MPZL3: variants seen among roughly 807,000 people sequenced by gnomAD.
MPZL3 encodes the protein myelin protein zero-like protein 3.
Under a neutral mutation model 24.8 loss-of-function variants are expected in MPZL3, and 23 were observed. That is an observed-to-expected ratio of 0.93 (90% CI 0.67 to 1.31). MPZL3 has a LOEUF of 1.31. MPZL3 is among the 40% of genes most tolerant of loss of function. The pLI, the probability that MPZL3 is intolerant of heterozygous loss-of-function variation, is 0.00. For missense variants in MPZL3, 277 were observed against 294.9 expected, an observed-to-expected ratio of 0.94 and a Z score of 0.44; for synonymous variants, 99 against 106.5, an observed-to-expected ratio of 0.93 and a Z score of 0.44.
At chr11:118,231,905 T>C (rs1018964773) in intron 5 of MPZL3, among the ~76,000 whole-genome samples, 6 of 152,300 alleles carry the variant, frequency 3.9e-5, no homozygotes, top group African/African-American at 1.2e-4. Context: ...TCTGATTCTG[T>C]CATTGCTCGT....
Position 118,233,491 on chromosome 11 carries a change from G to T in MPZL3, c.650C>A (p.Ala217Glu), listed in dbSNP as rs749946051. Residue 217 changes from alanine (A) to glutamate (E), a missense_variant, in exon 5 of 6, where the codon GCG becomes GAG. Physicochemically the swap from Ala to Glu is moderately radical, Grantham distance 107. Transcript: ENST00000278949. ...TDQEEEEACM[A>E]RLCVRCAECL... ...CTCAGCGCAACGGACACAAAGCCTC[G>T]CCATACACGCCTCTTCCTCCTCCTG... 5 of 1,613,620 alleles carry T rather than the reference G, an allele frequency of 3.1e-6. No homozygotes were observed. The South Asian group carries it at 3.3e-5, about 11-fold the overall frequency.
In MPZL3 at chr11:118,237,636, C is replaced by T. The variant is rs191204306; in HGVS notation, c.241-376G>A. Among the ~76,000 whole-genome samples the T allele has an allele frequency of 2.5e-3, 376 of 152,208 alleles. 2 individuals carry two copies. The highest frequency in any genetic ancestry group is 3.7e-3 in the Admixed American group (57 of 15,278). ...AGGGGCCGGGAATGCTACTAAACATCCTACCATGCACAGGACAGCACCCAC... is the reference window on the plus strand; with the variant it reads ...AGGGGCCGGGAATGCTACTAAACATTCTACCATGCACAGGACAGCACCCAC... On this transcript the variant is annotated intron_variant, in intron 2 of 5. Coordinates refer to ENST00000278949, the MANE Select transcript of MPZL3 (RefSeq NM_198275.3).
chr11:118,252,071 A>G, intron 1 of MPZL3, 151 bp downstream of exon 1: 4 of 735,584 alleles, frequency 5.4e-6, no homozygotes, highest in South Asian at 4.8e-5. Context: ...CGGGGTGGTG[A>G]TGACATCGTC....
Position 118,237,073 on chromosome 11 carries a change from GT to G in MPZL3, c.427del (p.Thr143GlnfsTer3), listed in dbSNP as rs778014538. 1.2e-6 allele frequency: 2 copies of G among 1,613,922 alleles called. No homozygotes were observed. Among genetic ancestry groups the G allele is most frequent in the African/African-American group, 2.7e-5 (2 of 74,912 alleles). On this transcript the variant is annotated frameshift_variant, in exon 3 of 6. Transcript: ENST00000278949. LOFTEE classifies it high-confidence loss of function. Reference protein sequence around the residue: ...PPDVHHNIPMTELTVTERGFG... With the variant: ...PPDVHHNIPMXELTVTERGFG... ...ACCCCTTTCTGTGACTGTTAGCTCT[GT>G]CATGGGAATATTATGATGCACATCT...
chr11:118,247,594 T>A (rs981764060), intron 1 of MPZL3, among the ~76,000 whole-genome samples: 2 of 152,154 alleles, frequency 1.3e-5, no homozygotes, highest in Non-Finnish European at 2.9e-5. Flanking sequence ...TCAGAAAACC[T>A]GCTTGGAAAG....
At chr11:118,235,348 AG>A in intron 4 of MPZL3, 75 bp downstream of exon 4, 1 of 1,477,090 alleles carries the variant, frequency 6.8e-7, no homozygotes, top group Non-Finnish European at 9.2e-7. Context: ...GAAGAAAGGA[AG>A]GTGTGGATGT....
chr11:118,247,222 T>C (rs1030188492), intron 1 of MPZL3, among the ~76,000 whole-genome samples: 3 of 151,680 alleles, frequency 2.0e-5, no homozygotes, highest in Non-Finnish European at 4.4e-5. Context: ...TTCCAAAGAG[T>C]AGAGTAGAGA....
chr11:118,243,044 C>T (rs1450153279), intron 1 of MPZL3, among the ~76,000 whole-genome samples: 1 of 152,214 alleles, frequency 6.6e-6, no homozygotes, highest in Admixed American at 6.5e-5. Context: ...ACACTCCTAT[C>T]TTTCCATTGC....
chr11:118,229,125 C>CAAAAA lies in MPZL3; in HGVS notation c.*764_*768dup, dbSNP rs60832269. ...CTGGCGACAGAGTGAGACTCTGCCTCAAAAAAAAAAAAAAAAAAAAAAAAG... is the reference window on the plus strand; with the variant it reads ...CTGGCGACAGAGTGAGACTCTGCCTCAAAAAAAAAAAAAAAAAAAAAAAAAAAAAG... On this transcript the variant is annotated 3_prime_UTR_variant, in exon 6 of 6. Coordinates refer to ENST00000278949, the MANE Select transcript of MPZL3 (RefSeq NM_198275.3). 10 of 96,422 alleles carry CAAAAA rather than the reference C, an allele frequency of 1.0e-4. No homozygotes were observed. Among genetic ancestry groups the CAAAAA allele is most frequent in the African/African-American group, 5.2e-4 (9 of 17,416 alleles). The allele number at this position is 96,422 out of a possible 1,614,324, so 6.0% of individuals were successfully genotyped here. A position where few individuals can be genotyped will look rare whatever the true frequency, so the allele number is the denominator to read the frequency against.
chr11:118,243,206 G>C (rs1453244099), intron 1 of MPZL3, among the ~76,000 whole-genome samples: 7 of 152,126 alleles, frequency 4.6e-5, no homozygotes, highest in African/African-American at 7.2e-5. Flanking sequence ...AACTGGCCTT[G>C]CTTAGCTTCC....
intron 2 of MPZL3, among the ~76,000 whole-genome samples, chr11:118,238,962 T>A (rs1392606220): frequency 6.6e-6 from 1 of 152,172 alleles, no homozygotes; most frequent in African/African-American, 2.4e-5. Context: ...ATGAATTCAA[T>A]GTTAAGTTCA....
intron 1 of MPZL3, among the ~76,000 whole-genome samples, chr11:118,244,212 C>T (rs1949531066): frequency 6.6e-6 from 1 of 152,218 alleles, no homozygotes; most frequent in South Asian, 2.1e-4. Flanking sequence ...TTCAAACATA[C>T]ATTTCTTGAG....
rs1949281550 is a variant in MPZL3 at position 118,227,198 on chromosome 11, TA to T, written c.*2695del. On this transcript the variant is annotated 3_prime_UTR_variant, in exon 6 of 6. Transcript: ENST00000278949. ...AATTAAGAGCGTAATGCATAAAACT[TA>T]AAGTCATGTAACCACATGTAAAAAC... 2.0e-5 allele frequency: 3 copies of T among 152,224 alleles called. No homozygotes were observed. The South Asian group carries it at 6.2e-4, about 31-fold the overall frequency. 9.4% of individuals were successfully genotyped at this position (152,224 alleles called of 1,614,324 possible).
intron 2 of MPZL3, among the ~76,000 whole-genome samples, chr11:118,238,587 C>T (rs754701332): frequency 6.6e-6 from 1 of 152,204 alleles, no homozygotes; most frequent in Non-Finnish European, 1.5e-5. Flanking sequence ...CATTTAGGAA[C>T]CTGGGTGTTT....
intron 1 of MPZL3, among the ~76,000 whole-genome samples, chr11:118,249,348 T>C (rs1020776592): frequency 1.3e-5 from 2 of 152,180 alleles, no homozygotes; most frequent in African/African-American, 4.8e-5. Flanking sequence ...TACATATATA[T>C]ACTGAAATTA....
chr11:118,235,719 G>T, intron 3 of MPZL3, 130 bp from the exon 4 acceptor site: 1 of 960,884 alleles, frequency 1.0e-6, no homozygotes, highest in Non-Finnish European at 1.5e-6. Flanking sequence ...TTGTGTGAAA[G>T]GTAGAAAATA....
At chr11:118,248,729 T>C (rs1949584640) in intron 1 of MPZL3, among the ~76,000 whole-genome samples, 1 of 152,210 alleles carries the variant, frequency 6.6e-6, no homozygotes. Context: ...TTATTAACTT[T>C]TTTCTTTTTC....
At chr11:118,237,288 G>A (rs1793141) in intron 2 of MPZL3, 28 bp from the exon 3 acceptor site, 1,170,886 of 1,594,042 alleles carry the variant, frequency 0.73, 431,757 homozygotes, top group African/African-American at 0.9. Flanking sequence ...TGAGAGAAAA[G>A]GTTAACTTGG....
At position 118,252,118 on chromosome 11, in the gene MPZL3, C is replaced by G. The variant is rs1022330954; in HGVS notation, c.73+104G>C. ...CTCCCTCCCTCCTTCCTTCCCAGAG[C>G]TATGCGGGGGCTTTCTGGAGACCCC... On this transcript the variant is annotated intron_variant, in intron 1 of 5. Transcript: ENST00000278949. 8 of 1,121,928 alleles carry G rather than the reference C, an allele frequency of 7.1e-6. No individual in the cohort carries two copies. The African/African-American group carries it at 1.2e-4, about 17-fold the overall frequency. The allele number at this position is 1,121,928 out of a possible 1,614,324, so 69.5% of individuals were successfully genotyped here.
Sources: gnomAD v4.1 joint callset for allele counts (sites outside exome capture counted in the v4.1 genomes callset) on GRCh38, gnomAD v4.1.1 for gene constraint, MANE v1.5 for transcripts, NCBI Gene and HGNC (gene_info 2026-07-23, HGNC 2026-07-21) for gene names.